Variants in UVRAG observed in about 807,000 individuals in gnomAD.
UVRAG encodes UV radiation resistance-associated gene protein.
A neutral mutation model predicts 78.0 loss-of-function variants in UVRAG; 19 were observed. The ratio of observed to expected loss-of-function variants is 0.24; its 90% confidence interval spans 0.17 to 0.36. The LOEUF (loss-of-function observed/expected upper bound fraction) is 0.36. UVRAG is among the 10% of genes least tolerant of loss of function. UVRAG has a pLI of 1.00. For missense variants in UVRAG, 740 were observed against 853.8 expected, an observed-to-expected ratio of 0.87 and a Z score of 1.66; for synonymous variants, 323 against 324.6, an observed-to-expected ratio of 1.00 and a Z score of 0.05.
intron 14 of UVRAG, among the ~76,000 whole-genome samples, chr11:76,136,509 C>CTT (rs200388478): frequency 3.3e-3 from 452 of 136,096 alleles, no homozygotes; most frequent in South Asian, 0.025. Flanking sequence ...TTCTTGTTTC[C>CTT]TTTTTTTTTT....
intron 8 of UVRAG, among the ~76,000 whole-genome samples, chr11:75,989,012 CTATCT>C (rs1591101132): frequency 6.6e-6 from 1 of 151,994 alleles, no homozygotes; most frequent in East Asian, 1.9e-4. Flanking sequence ...TTTTTCTTCC[CTATCT>C]TAACAGTGTA....
chr11:75,886,232 T>C (rs1294711193), intron 4 of UVRAG, among the ~76,000 whole-genome samples: 1 of 152,206 alleles, frequency 6.6e-6, no homozygotes, highest in Non-Finnish European at 1.5e-5. Flanking sequence ...CACGTCTTCA[T>C]GAAGTTTACA....
chr11:75,888,566 T>C (rs1369977600), intron 4 of UVRAG, among the ~76,000 whole-genome samples: 1 of 152,188 alleles, frequency 6.6e-6, no homozygotes, highest in Non-Finnish European at 1.5e-5. Context: ...CATAACAACC[T>C]CAAGAAATGT....
chr11:75,933,083 A>G lies in UVRAG; in HGVS notation c.593+21044A>G, dbSNP rs373267262. Among the ~76,000 whole-genome samples the G allele has an allele frequency of 3.3e-5, 5 of 152,302 alleles. No individual in the cohort carries two copies. The East Asian group carries it at 7.7e-4, about 24-fold the overall frequency. On this transcript the variant is annotated intron_variant, in intron 6 of 14. Coordinates refer to ENST00000356136, the MANE Select transcript of UVRAG (RefSeq NM_003369.4). Reference sequence around the variant, plus strand: ...TGAGCAAAAATAACAAAACTTCAGGAATCACATTACCTGACTTTAAATTAT... The same window carrying G: ...TGAGCAAAAATAACAAAACTTCAGGGATCACATTACCTGACTTTAAATTAT...
chr11:75,982,679 G>T (rs1447847716), intron 7 of UVRAG, among the ~76,000 whole-genome samples: 3 of 152,146 alleles, frequency 2.0e-5, no homozygotes, highest in African/African-American at 7.2e-5. Context: ...CCTCGGTTTG[G>T]TTTGGCAAAC....
intron 13 of UVRAG, among the ~76,000 whole-genome samples, chr11:76,091,563 A>G (rs138208612): frequency 6.0e-5 from 9 of 151,238 alleles, no homozygotes; most frequent in Non-Finnish European, 4.4e-5. Flanking sequence ...CCTGTTTTCT[A>G]TCTCTTTGTC....
chr11:76,101,756 G>A (rs151212779), intron 13 of UVRAG, among the ~76,000 whole-genome samples: 70 of 152,148 alleles, frequency 4.6e-4, no homozygotes, highest in African/African-American at 1.6e-3. Flanking sequence ...TCATTTTTAT[G>A]TATGGCATAA....
intron 7 of UVRAG, 23 bp downstream of exon 7, chr11:75,961,572 G>T: frequency 6.5e-7 from 1 of 1,533,596 alleles, no homozygotes; most frequent in Non-Finnish European, 8.8e-7. Flanking sequence ...GTATTTACCT[G>T]TTTACACTTC....
At chr11:75,845,745 A>G (rs1269534777) in intron 1 of UVRAG, among the ~76,000 whole-genome samples, 3 of 152,068 alleles carry the variant, frequency 2.0e-5, no homozygotes, top group Non-Finnish European at 2.9e-5. Flanking sequence ...AAAACTAGCT[A>G]TTGGGCATTA....
intron 1 of UVRAG, among the ~76,000 whole-genome samples, chr11:75,827,344 G>A (rs971504435): frequency 1.3e-5 from 2 of 152,174 alleles, no homozygotes; most frequent in Admixed American, 1.3e-4. Context: ...GGGCGCGGTG[G>A]CTCATACCTG....
intron 3 of UVRAG, among the ~76,000 whole-genome samples, chr11:75,872,466 G>A (rs1256350100): frequency 6.7e-6 from 1 of 148,816 alleles, no homozygotes; most frequent in Admixed American, 6.8e-5. Context: ...TCGGCTCCCT[G>A]CAACCTCTGC....
chr11:75,867,435 T>G (rs766737649), intron 3 of UVRAG, among the ~76,000 whole-genome samples: 1 of 152,244 alleles, frequency 6.6e-6, no homozygotes, highest in Non-Finnish European at 1.5e-5. Flanking sequence ...CAACTTTATG[T>G]AGTAAGATTC....
intron 3 of UVRAG, among the ~76,000 whole-genome samples, chr11:75,871,074 A>G (rs1024975532): frequency 6.6e-6 from 1 of 151,942 alleles, no homozygotes; most frequent in Admixed American, 6.6e-5. Context: ...TCATCATAAC[A>G]TGTTAGTCAG....
At chr11:76,092,229 G>A (rs1389165172) in intron 13 of UVRAG, among the ~76,000 whole-genome samples, 1 of 152,090 alleles carries the variant, frequency 6.6e-6, no homozygotes, top group African/African-American at 2.4e-5. Context: ...TCTTAATCCA[G>A]TCTATCATTG....
chr11:75,911,457 T>G (rs1947736085), intron 5 of UVRAG: 1 of 168,348 alleles, frequency 5.9e-6, no homozygotes, highest in African/African-American at 2.4e-5. Flanking sequence ...TCAGCCATCA[T>G]CTGGAGCTCT....
At chr11:75,946,805 T>G (rs1430702969) in intron 6 of UVRAG, among the ~76,000 whole-genome samples, 1 of 152,198 alleles carries the variant, frequency 6.6e-6, no homozygotes, top group African/African-American at 2.4e-5. Context: ...CCAGTCCCTT[T>G]TAAGGGCTTA....
chr11:75,831,432 T>G (rs187667071), intron 1 of UVRAG, among the ~76,000 whole-genome samples: 2 of 151,660 alleles, frequency 1.3e-5, no homozygotes, highest in East Asian at 3.9e-4. Flanking sequence ...AGATTGCAGT[T>G]AGCCAAGATC....
chr11:76,108,187 G>A (rs1288030395), intron 13 of UVRAG, among the ~76,000 whole-genome samples: 2 of 152,128 alleles, frequency 1.3e-5, no homozygotes, highest in African/African-American at 2.4e-5. Flanking sequence ...TTGGAAGGGT[G>A]GGGACATGTG....
intron 14 of UVRAG, among the ~76,000 whole-genome samples, chr11:76,132,839 C>T (rs186195962): frequency 1.1e-4 from 17 of 152,296 alleles, no homozygotes; most frequent in African/African-American, 3.8e-4. Context: ...CTCACCCCAT[C>T]CTCAAGTAGA....
Sources: gnomAD v4.1 joint callset for allele counts (sites outside exome capture counted in the v4.1 genomes callset) on GRCh38, gnomAD v4.1.1 for gene constraint, MANE v1.5 for transcripts, NCBI Gene and HGNC (gene_info 2026-07-23, HGNC 2026-07-21) for gene names.